Variants in CTNNA2 observed in about 807,000 individuals in gnomAD.
CTNNA2 encodes the protein catenin alpha 2.
A neutral mutation model predicts 101.0 loss-of-function variants in CTNNA2; 42 were observed. The observed-to-expected ratio is 0.42, with a 90% CI of 0.32 to 0.54. The LOEUF is 0.54. Among genes scored for constraint, CTNNA2 ranks in the 20% least tolerant of loss-of-function variants. The probability of loss-of-function intolerance (pLI) is 0.14; values close to 1 mark genes in which losing one functional copy is unlikely to be tolerated. For missense variants in CTNNA2, 871 were observed against 1,223.1 expected (o/e 0.71, Z 4.29); for synonymous variants, 450 against 456.4 (o/e 0.99, Z 0.18).
At position 80,081,731 on chromosome 2, in the gene CTNNA2, A is replaced by ATCTCTC. The variant is rs141997672; in HGVS notation, c.1056+171948_1056+171953dup. Among the ~76,000 whole-genome samples, 245 of 144,114 alleles carry ATCTCTC rather than the reference A, an allele frequency of 1.7e-3. 1 individual carries two copies. The highest frequency in any genetic ancestry group is 6.1e-3 in the African/African-American group (238 of 39,150). 94.5% of individuals were successfully genotyped at this position (144,114 alleles called of 152,430 possible). A position where few individuals can be genotyped will look rare whatever the true frequency, so the allele number is the denominator to read the frequency against. On this transcript the variant is annotated intron_variant, in intron 7 of 18. Coordinates refer to ENST00000402739, the MANE Select transcript of CTNNA2 (RefSeq NM_001282597.3). Reference sequence around the variant, plus strand: ...TCCAAGTTACTACTCCGCTAAGACAATCTCTCTCTCTCTCTCTCTTGCTCT... The same window carrying ATCTCTC: ...TCCAAGTTACTACTCCGCTAAGACAATCTCTCTCTCTCTCTCTCTCTCTCTTGCTCT...
chr2:80,562,982 C>A (rs2149678030), intron 12 of CTNNA2, among the ~76,000 whole-genome samples: 1 of 146,142 alleles, frequency 6.8e-6, no homozygotes, highest in Admixed American at 6.9e-5. Flanking sequence ...GTGTATAGGC[C>A]ATAAATTTGG....
At chr2:80,015,121 G>C (rs968570128) in intron 7 of CTNNA2, among the ~76,000 whole-genome samples, 2 of 152,122 alleles carry the variant, frequency 1.3e-5, no homozygotes, top group Non-Finnish European at 2.9e-5. Flanking sequence ...ATGCTTTCTG[G>C]CTGGTTTATA....
At chr2:80,370,582 A>T (rs1054785481) in intron 7 of CTNNA2, among the ~76,000 whole-genome samples, 11 of 152,156 alleles carry the variant, frequency 7.2e-5, no homozygotes, top group Non-Finnish European at 1.5e-4. Context: ...AAAAAAACTT[A>T]AAAATTATCT....
intron 3 of CTNNA2, among the ~76,000 whole-genome samples, chr2:79,344,401 T>G (rs1677208763): frequency 6.6e-6 from 1 of 152,214 alleles, no homozygotes; most frequent in South Asian, 2.1e-4. Context: ...TTCAGTGATA[T>G]TACAATCTCT....
intron 6 of CTNNA2, among the ~76,000 whole-genome samples, chr2:79,883,009 G>A (rs572711493): frequency 2.3e-4 from 35 of 152,208 alleles, no homozygotes; most frequent in African/African-American, 8.0e-4. Flanking sequence ...CGTGGATCAC[G>A]CCAGCCACCT....
At chr2:79,828,681 T>C (rs528492944) in intron 3 of CTNNA2, among the ~76,000 whole-genome samples, 25 of 152,326 alleles carry the variant, frequency 1.6e-4, no homozygotes, top group African/African-American at 5.8e-4. Flanking sequence ...GTCTGCTGAA[T>C]TGAAACACTG....
chr2:80,149,395 A>C (rs941283140), intron 7 of CTNNA2, among the ~76,000 whole-genome samples: 3 of 152,130 alleles, frequency 2.0e-5, no homozygotes, highest in Non-Finnish European at 4.4e-5. Context: ...TCACACTCCA[A>C]GATATTTCTC....
At chr2:79,328,011 C>A (rs1195272540) in intron 3 of CTNNA2, among the ~76,000 whole-genome samples, 1 of 152,164 alleles carries the variant, frequency 6.6e-6, no homozygotes, top group African/African-American at 2.4e-5. Flanking sequence ...GAAACCACTT[C>A]TTGGGAGTCC....
chr2:80,092,462 G>A (rs904045764), intron 7 of CTNNA2, among the ~76,000 whole-genome samples: 1 of 152,018 alleles, frequency 6.6e-6, no homozygotes, highest in Non-Finnish European at 1.5e-5. Context: ...TTGAGAATGC[G>A]GTTTAAGAAT....
At chr2:80,171,231 G>T (rs1014245571) in intron 7 of CTNNA2, among the ~76,000 whole-genome samples, 1 of 152,220 alleles carries the variant, frequency 6.6e-6, no homozygotes, top group Non-Finnish European at 1.5e-5. Flanking sequence ...GATCGTGCTT[G>T]ATGGAAAAGC....
At chr2:80,637,025 A>G (rs191404529) in intron 18 of CTNNA2, among the ~76,000 whole-genome samples, 64 of 152,292 alleles carry the variant, frequency 4.2e-4, no homozygotes, top group African/African-American at 1.4e-3. Flanking sequence ...AGGCACTGAG[A>G]CCAAGCCAAG....
chr2:79,508,489 A>G (rs1671459953), upstream of CTNNA2, among the ~76,000 whole-genome samples: 1 of 152,124 alleles, frequency 6.6e-6, no homozygotes, highest in African/African-American at 2.4e-5. Flanking sequence ...TACAATTACT[A>G]TGAGAAGACA....
At chr2:80,626,520 A>C (rs1394541819) in intron 18 of CTNNA2, among the ~76,000 whole-genome samples, 1 of 152,078 alleles carries the variant, frequency 6.6e-6, no homozygotes, top group Non-Finnish European at 1.5e-5. Context: ...GCTGCAAGAG[A>C]GACTGGTAAA....
intron 7 of CTNNA2, among the ~76,000 whole-genome samples, chr2:80,307,075 T>G (rs1467992679): frequency 6.7e-6 from 1 of 148,862 alleles, no homozygotes; most frequent in African/African-American, 2.4e-5. Flanking sequence ...TAAATATATA[T>G]TTTCTATATA....
At chr2:79,999,864 G>A (rs1236561771) in intron 7 of CTNNA2, among the ~76,000 whole-genome samples, 1 of 152,148 alleles carries the variant, frequency 6.6e-6, no homozygotes, top group Non-Finnish European at 1.5e-5. Context: ...AAGAGCCACA[G>A]GACACTTTTA....
intron 2 of CTNNA2, among the ~76,000 whole-genome samples, chr2:79,281,815 A>T (rs1284831250): frequency 1.3e-5 from 2 of 152,186 alleles, no homozygotes; most frequent in East Asian, 3.9e-4. Context: ...ATATTTGTGA[A>T]TTTATCAATT....
chr2:79,767,331 C>G (rs902408119), intron 3 of CTNNA2, among the ~76,000 whole-genome samples: 1 of 152,080 alleles, frequency 6.6e-6, no homozygotes, highest in Non-Finnish European at 1.5e-5. Context: ...GTCTCTGTTT[C>G]TCCAGGATTG....
intron 9 of CTNNA2, among the ~76,000 whole-genome samples, chr2:80,473,515 A>G (rs1400115397): frequency 6.6e-6 from 1 of 152,194 alleles, no homozygotes; most frequent in African/African-American, 2.4e-5. Flanking sequence ...TGTTTTATAA[A>G]ATACAGGCAC....
At chr2:79,829,501 CAG>C (rs1346880611) in intron 3 of CTNNA2, among the ~76,000 whole-genome samples, 1 of 150,492 alleles carries the variant, frequency 6.6e-6, no homozygotes, top group Non-Finnish European at 1.5e-5. Context: ...TCTCGGGAGA[CAG>C]AGGTTTCAGT....
Sources: allele counts gnomAD v4.1 joint callset (sites outside exome capture counted in the v4.1 genomes callset), GRCh38; gene constraint gnomAD v4.1.1; transcripts MANE v1.5; gene names NCBI Gene and HGNC (gene_info 2026-07-23, HGNC 2026-07-21).